Variants in PWWP2A observed in about 807,000 individuals in gnomAD.
PWWP2A encodes PWWP domain-containing protein 2A.
Under a neutral mutation model 48.5 loss-of-function variants are expected in PWWP2A, and 18 were observed. The observed-to-expected ratio is 0.37, with a 90% CI of 0.26 to 0.55. PWWP2A has a LOEUF of 0.55. PWWP2A is among the 20% of genes least tolerant of loss of function. The pLI, the probability that PWWP2A is intolerant of heterozygous loss-of-function variation, is 0.81. For synonymous variants in PWWP2A, 396 were observed against 387.7 expected, an observed-to-expected ratio of 1.02 and a Z score of -0.25; for missense variants, 867 against 976.4, an observed-to-expected ratio of 0.89 and a Z score of 1.49.
chr5:160,090,816 C>T (rs193104467), downstream of PWWP2A: 1 of 982,140 alleles, frequency 1.0e-6, no homozygotes, highest in Admixed American at 6.1e-5. Context: ...AGTATGAAAG[C>T]AACTTTAAAA....
intron 1 of PWWP2A, among the ~76,000 whole-genome samples, chr5:160,097,500 C>T (rs113131427): frequency 0.013 from 1,932 of 150,914 alleles, 48 homozygotes; most frequent in African/African-American, 0.045. Context: ...TGTGGTGACA[C>T]GCGCCTGTAG....
chr5:160,062,744 C>G (rs1315450079), intron 5 of PWWP2A, among the ~76,000 whole-genome samples: 1 of 152,108 alleles, frequency 6.6e-6, no homozygotes, highest in Non-Finnish European at 1.5e-5. Context: ...TCACTTCACT[C>G]ACTCCATATC....
chr5:160,047,858 G>A, the PWWP2A span, among the ~76,000 whole-genome samples: 12,356 of 151,956 alleles, frequency 0.081, 695 homozygotes, highest in Admixed American at 0.18. Context: ...CTCATTTCTC[G>A]CTTCACTTGT....
In PWWP2A at chr5:160,119,368, C is replaced by T. The variant is rs1581313005; in HGVS notation, c.21G>A (p.Glu7=). The change falls in exon 1 of 2, where the codon GAG becomes GAA. Residue 7 remains glutamate, a synonymous_variant. Transcript: ENST00000307063. MAAVAA[E]AAATAASPGE... ...CGGGGGACGCTGCAGTCGCTGCCGCCTCTGCAGCCACGGCCGCCATTTTCT... is the reference window on the plus strand; with the variant it reads ...CGGGGGACGCTGCAGTCGCTGCCGCTTCTGCAGCCACGGCCGCCATTTTCT... 5 of 1,375,976 alleles carry T rather than the reference C, an allele frequency of 3.6e-6. No individual in the cohort carries two copies. The highest frequency in any genetic ancestry group is 4.7e-6 in the Non-Finnish European group (5 of 1,072,366). The allele number at this position is 1,375,976 out of a possible 1,614,324, so 85.2% of individuals were successfully genotyped here. A position where few individuals can be genotyped will look rare whatever the true frequency, so the allele number is the denominator to read the frequency against.
At chr5:160,111,460 G>A (rs558984369) in intron 1 of PWWP2A, among the ~76,000 whole-genome samples, 15 of 151,772 alleles carry the variant, frequency 9.9e-5, no homozygotes, top group African/African-American at 1.5e-4. Context: ...GAGCCACCGC[G>A]CCTGGCACTT....
the PWWP2A span, among the ~76,000 whole-genome samples, chr5:160,046,261 C>T: frequency 6.6e-6 from 1 of 152,172 alleles, no homozygotes; most frequent in Admixed American, 6.5e-5. Context: ...TCATCTTGCT[C>T]AATTTAGTCG....
chr5:160,101,599 T>C (rs1384392992), intron 1 of PWWP2A, among the ~76,000 whole-genome samples: 1 of 152,076 alleles, frequency 6.6e-6, no homozygotes, highest in Non-Finnish European at 1.5e-5. Context: ...TTCACAACAA[T>C]GTGAATGTAC....
chr5:160,119,144 G>A lies in PWWP2A; in HGVS notation c.245C>T (p.Pro82Leu). Residue 82 changes from proline to leucine, a missense_variant, in exon 1 of 2, where the codon CCA (proline) becomes CTA (leucine). By Grantham distance (98) the Pro-to-Leu change is moderately conservative (BLOSUM62 -3). Transcript: ENST00000307063. ...CTCCAGCTCCGGCCCCACCGCCTCT[G>A]GGCTGCGGGCGAGCTCCCCCGGCGG... The part of the protein sequence containing the change: ...PPPPGELARS[P>L]EAVGPELEAE... The A allele has an allele frequency of 6.4e-7, 1 of 1,558,286 alleles. No homozygotes were observed. The highest frequency in any genetic ancestry group is 8.6e-7 in the Non-Finnish European group (1 of 1,164,624).
Position 160,093,577 on chromosome 5 carries a change from A to C in PWWP2A, c.1073T>G (p.Val358Gly). Reference protein sequence around the residue: ...YEDKKRRNESVTTVNKKLKTD... With the variant: ...YEDKKRRNESGTTVNKKLKTD... ...TTTCAGTTTTTTGTTCACAGTAGTT[A>C]CACTTTCATTTCTCCGTTTTTTATC... The change falls in exon 2 of 2, where the codon GTA becomes GGA. Residue 358 changes from valine to glycine, a missense_variant. Val to Gly is a moderately radical substitution (Grantham distance 109). Around this residue, in one of 4 missense-constraint regions of PWWP2A, gnomAD observed 382 missense variants for 407.2 expected, o/e 0.94. Transcript: ENST00000307063. This position sits in a 1 kb window ranked among gnomAD's most constrained non-coding sequence, Gnocchi z 5.8. 1 of 1,613,550 alleles carries C rather than the reference A, an allele frequency of 6.2e-7. No individual in the cohort carries two copies. Among genetic ancestry groups the C allele is most frequent in the Non-Finnish European group, 8.5e-7 (1 of 1,179,800 alleles).
At chr5:160,100,258 G>A (rs993370936) in intron 1 of PWWP2A, among the ~76,000 whole-genome samples, 8 of 152,114 alleles carry the variant, frequency 5.3e-5, no homozygotes, top group South Asian at 4.1e-4. Flanking sequence ...TCAAAATATC[G>A]CACCACTGCA....
At chr5:160,091,261 T>G (rs781645195), downstream of PWWP2A, 1 of 976,588 alleles carries the variant, frequency 1.0e-6, no homozygotes, top group Non-Finnish European at 1.2e-6. Flanking sequence ...TTTTCATCTC[T>G]TCTAAACACT....
chr5:160,065,211 C>A, intron 4 of PWWP2A: 1 of 1,107,546 alleles, frequency 9.0e-7, no homozygotes. Flanking sequence ...TCCCTTGTCC[C>A]TCTTTTATGA....
chr5:160,049,837 G>A, the PWWP2A span, among the ~76,000 whole-genome samples: 1 of 152,202 alleles, frequency 6.6e-6, no homozygotes, highest in African/African-American at 2.4e-5. Context: ...CAGCACTTTA[G>A]GAGGCCAAGG....
Position 160,093,617 on chromosome 5 carries a change from A to G in PWWP2A, c.1033T>C (p.Ser345Pro). Residue 345 changes from serine (S) to proline (P), a missense_variant, in exon 2 of 2, where the codon TCT becomes CCT. This residue lies in a region of PWWP2A where 382 missense variants were observed against 407.2 expected (regional missense o/e 0.94). Transcript: ENST00000307063. The surrounding 1 kb of genome is among the most constrained non-coding windows in gnomAD (Gnocchi z 5.8). ...CGTTTTTTATCTTCATATTTAGAAGAGTCAGTTGCACTACTACCTTTTCTA... is the reference window on the plus strand; with the variant it reads ...CGTTTTTTATCTTCATATTTAGAAGGGTCAGTTGCACTACTACCTTTTCTA... The part of the protein sequence containing the change: ...EIRKGSSATD[S>P]SKYEDKKRRN... 6.2e-7 allele frequency: 1 copy of G among 1,613,982 alleles called. No individual in the cohort carries two copies. Among genetic ancestry groups the G allele is most frequent in the Non-Finnish European group, 8.5e-7 (1 of 1,179,870 alleles).
chr5:160,090,737 C>G (rs1754994466), downstream of PWWP2A: 1 of 955,138 alleles, frequency 1.0e-6, no homozygotes, highest in Non-Finnish European at 1.2e-6. Context: ...ATTTAGAAAT[C>G]CACAAAAAAC....
rs547546635 is a variant in PWWP2A, at chr5:160,107,715, C to A, written c.584+11090G>T. On this transcript the variant is annotated intron_variant, in intron 1 of 1. Coordinates refer to ENST00000307063, the MANE Select transcript of PWWP2A (RefSeq NM_001130864.2). ...TTATTTACAGTAAGAGGTTGAAAAC[C>A]TCATCAGAAACCCCAAGTCCAGGCC... 2.6e-5 allele frequency among the ~76,000 whole-genome samples: 4 copies of A among 152,290 alleles called. No homozygotes were observed. In the South Asian group the frequency reaches 6.2e-4, roughly 24 times the overall value.
At chr5:160,063,272 A>G (rs527377236) in intron 5 of PWWP2A, among the ~76,000 whole-genome samples, 6 of 152,152 alleles carry the variant, frequency 3.9e-5, no homozygotes, top group South Asian at 2.1e-4. Flanking sequence ...CTGGAGTGCA[A>G]TGGTATGATC....
chr5:160,107,556 T>A (rs1757024512), intron 1 of PWWP2A, among the ~76,000 whole-genome samples: 1 of 151,290 alleles, frequency 6.6e-6, no homozygotes, highest in Non-Finnish European at 1.5e-5. Context: ...TGAAATTAAC[T>A]CAGCCATTAC....
At chr5:160,070,493 CAAAAA>C (rs1189913733) in intron 2 of PWWP2A, among the ~76,000 whole-genome samples, 1 of 151,844 alleles carries the variant, frequency 6.6e-6, no homozygotes, top group Non-Finnish European at 1.5e-5. Context: ...AAACAAAAAA[CAAAAA>C]ACTATGCTTT....
Sources: allele counts gnomAD v4.1 joint callset (sites outside exome capture counted in the v4.1 genomes callset), GRCh38; gene constraint gnomAD v4.1.1; regional missense constraint gnomAD v4.1.1; non-coding constraint Gnocchi (gnomAD v3.1); transcripts MANE v1.5; gene names NCBI Gene and HGNC (gene_info 2026-07-23, HGNC 2026-07-21).